ERG: variants seen among roughly 807,000 people sequenced by gnomAD.
The protein encoded by ERG is transcriptional regulator ERG.
ERG carries 9 observed loss-of-function variants against 55.3 expected under a neutral mutation model. The observed-to-expected ratio is 0.16, with a 90% CI of 0.10 to 0.28. The LOEUF is 0.28. Among genes scored for constraint, ERG ranks in the 10% least tolerant of loss-of-function variants. The pLI, the probability that ERG is intolerant of heterozygous loss-of-function variation, is 1.00. For missense variants in ERG, 434 were observed against 631.6 expected, an observed-to-expected ratio of 0.69 and a Z score of 3.35; for synonymous variants, 223 against 237.3, an observed-to-expected ratio of 0.94 and a Z score of 0.55.
At chr21:38,425,479 AC>A (rs1230069061) in intron 2 of ERG, among the ~76,000 whole-genome samples, 2 of 152,196 alleles carry the variant, frequency 1.3e-5, no homozygotes, top group Non-Finnish European at 2.9e-5. Flanking sequence ...AACAGAAAAT[AC>A]ATGTCAGTGC....
In ERG at chr21:38,460,629, C is replaced by T. The variant is rs1259815779; in HGVS notation, c.19-15008G>A. 3.3e-5 allele frequency among the ~76,000 whole-genome samples: 5 copies of T among 152,238 alleles called. No individual in the cohort carries two copies. The highest frequency in any genetic ancestry group is 4.1e-4 in the South Asian group (2 of 4,820). On this transcript the variant is annotated intron_variant, in intron 1 of 9. Transcript: ENST00000288319. This position sits in a 1 kb window ranked among gnomAD's most constrained non-coding sequence, Gnocchi z 5.0. ...TTCATTCAGAGTCTGCAAGGGGTCA[C>T]GGCCATTTTGAAAGGCTTTGACTCA...
chr21:38,485,252 TAAAA>T (rs34620992), intron 1 of ERG, among the ~76,000 whole-genome samples: 1 of 150,168 alleles, frequency 6.7e-6, no homozygotes, highest in South Asian at 2.1e-4. Flanking sequence ...TTTAGAAAGT[TAAAA>T]AAAAAATAGA....
chr21:38,374,888 G>A, the ERG span, among the ~76,000 whole-genome samples: 5 of 151,942 alleles, frequency 3.3e-5, no homozygotes, highest in Non-Finnish European at 7.4e-5. Flanking sequence ...AGTATGTTTT[G>A]CTCCTGAAGA....
chr21:38,568,822 G>A (rs933710160), intron 2 of ERG, among the ~76,000 whole-genome samples: 3 of 152,178 alleles, frequency 2.0e-5, no homozygotes, highest in African/African-American at 7.2e-5. Flanking sequence ...CAGGTGAGTG[G>A]ACCTATGAAC....
intron 2 of ERG, among the ~76,000 whole-genome samples, chr21:38,437,850 C>A (rs2058805301): frequency 6.6e-6 from 1 of 152,174 alleles, no homozygotes; most frequent in African/African-American, 2.4e-5. Context: ...CATCCTACAC[C>A]CACATTTTCT....
chr21:38,476,955 T>C (rs961841275), intron 1 of ERG, among the ~76,000 whole-genome samples: 9 of 151,976 alleles, frequency 5.9e-5, no homozygotes, highest in African/African-American at 1.9e-4. Flanking sequence ...CCATGTGTCC[T>C]ATAGGAACAC....
intron 2 of ERG, among the ~76,000 whole-genome samples, chr21:38,519,589 C>T (rs1025348126): frequency 1.3e-5 from 2 of 152,142 alleles, no homozygotes; most frequent in Non-Finnish European, 2.9e-5. Flanking sequence ...GACAAAGGAG[C>T]CCATTTGATG....
intron 1 of ERG, among the ~76,000 whole-genome samples, chr21:38,652,547 G>A (rs1293932367): frequency 6.6e-5 from 10 of 152,190 alleles, no homozygotes; most frequent in Admixed American, 2.6e-4. Context: ...GCAATGGCCC[G>A]CCAGGCAGGC....
chr21:38,430,390 T>C (rs924062407), intron 2 of ERG, among the ~76,000 whole-genome samples: 1 of 152,272 alleles, frequency 6.6e-6, no homozygotes, highest in Non-Finnish European at 1.5e-5. Flanking sequence ...TTTCTTTTGC[T>C]GTGAAGAAAG....
intron 6 of ERG, among the ~76,000 whole-genome samples, chr21:38,397,547 G>A (rs1428283046): frequency 1.5e-5 from 2 of 136,640 alleles, no homozygotes; most frequent in African/African-American, 2.7e-5. Context: ...GTGGTGAGCC[G>A]AGATTGCACC....
At chr21:38,379,752 A>G (rs1252721082), downstream of ERG, among the ~76,000 whole-genome samples, 1 of 152,136 alleles carries the variant, frequency 6.6e-6, no homozygotes, top group Non-Finnish European at 1.5e-5. Context: ...AATTTATTTT[A>G]TTTTTGAATC....
chr21:38,633,082 G>A (rs1444789695), intron 1 of ERG, among the ~76,000 whole-genome samples: 1 of 152,130 alleles, frequency 6.6e-6, no homozygotes, highest in African/African-American at 2.4e-5. Flanking sequence ...GTTACAACAT[G>A]AATGAACCTT....
In ERG at chr21:38,445,428, T is replaced by A. The variant is rs756077773; in HGVS notation, c.212A>T (p.Asn71Ile). Residue 71 changes from asparagine to isoleucine, a missense_variant, in exon 2 of 10, where the codon AAC (asparagine) becomes ATC (isoleucine). Transcript: ENST00000288319. ...CCTTGAGCCATTCACCTGGCTAGGG[T>A]TACATTCCATTTTGATGGTGACCCT... is the stretch of plus-strand genomic sequence containing the variant. ...PARVTIKMEC[N>I]PSQVNGSRNS... 1 of 1,614,020 alleles carries A rather than the reference T, an allele frequency of 6.2e-7. No homozygotes were observed. Among genetic ancestry groups the A allele is most frequent in the Non-Finnish European group, 8.5e-7 (1 of 1,179,962 alleles).
intron 3 of ERG, among the ~76,000 whole-genome samples, chr21:38,420,897 T>C (rs186928344): frequency 4.6e-5 from 7 of 152,254 alleles, no homozygotes; most frequent in Admixed American, 4.6e-4. Context: ...CTAAACACTT[T>C]GTTTTGTCTC....
intron 1 of ERG, among the ~76,000 whole-genome samples, chr21:38,650,461 C>T (rs1038067357): frequency 6.6e-6 from 1 of 152,120 alleles, no homozygotes; most frequent in Non-Finnish European, 1.5e-5. Flanking sequence ...CATGGCGAAA[C>T]CCTGTCTCTA....
chr21:38,548,952 A>C (rs944281780), intron 2 of ERG, among the ~76,000 whole-genome samples: 33 of 151,370 alleles, frequency 2.2e-4, no homozygotes, highest in African/African-American at 8.0e-4. Context: ...CTACTAAAAA[A>C]ATACAAAAAA....
intron 1 of ERG, among the ~76,000 whole-genome samples, chr21:38,491,664 C>T (rs930037292): frequency 6.6e-6 from 1 of 152,246 alleles, no homozygotes; most frequent in Non-Finnish European, 1.5e-5. Flanking sequence ...AGCAGATTAC[C>T]GTTCTTCCCA....
At chr21:38,657,591 GAAAGAT>G (rs2060527073) in intron 1 of ERG, among the ~76,000 whole-genome samples, 1 of 152,102 alleles carries the variant, frequency 6.6e-6, no homozygotes, top group Admixed American at 6.6e-5. Flanking sequence ...AGTTAAAAGG[GAAAGAT>G]GCCCCTTTTA....
In ERG at chr21:38,627,036, C is replaced by A. The variant is rs1417924992; in HGVS notation, c.-150+34622G>T. Among the ~76,000 whole-genome samples the A allele has an allele frequency of 2.0e-5, 3 of 151,130 alleles. No individual in the cohort carries two copies. The East Asian group carries it at 5.8e-4, about 29-fold the overall frequency. The stretch of plus-strand genomic sequence containing the variant: ...TCACTTGAACAAATGTATTGGCAAA[C>A]AAAACAATGAAACTATCAAAACTTG... On this transcript the variant is annotated intron_variant, in intron 1 of 10. Coordinates refer to the ERG transcript ENST00000398910.
Sources: gnomAD v4.1 joint callset for allele counts (sites outside exome capture counted in the v4.1 genomes callset) on GRCh38, gnomAD v4.1.1 for gene constraint, Gnocchi (gnomAD v3.1) non-coding constraint, MANE v1.5 for transcripts, NCBI Gene and HGNC (gene_info 2026-07-23, HGNC 2026-07-21) for gene names.